The following NXPE2 variants were observed in gnomAD, a reference collection of about 807,000 sequenced individuals.
The protein encoded by NXPE2 is NXPE family member 2.
A neutral mutation model predicts 34.4 loss-of-function variants in NXPE2; 34 were observed. The ratio of observed to expected loss-of-function variants is 0.99; its 90% CI spans 0.75 to 1.31. The LOEUF (loss-of-function observed/expected upper bound fraction) is 1.31. Ranked by LOEUF, NXPE2 falls within the 40% of genes most tolerant of loss-of-function variation. NXPE2 has a pLI of 0.00. For missense variants in NXPE2, 649 were observed against 672.5 expected, an observed-to-expected ratio of 0.97 and a Z score of 0.39; for synonymous variants, 235 against 231.3, an observed-to-expected ratio of 1.02 and a Z score of -0.15.
the NXPE2 span, among the ~76,000 whole-genome samples, chr11:114,741,600 C>T: frequency 1.3e-5 from 2 of 151,890 alleles, no homozygotes; most frequent in Admixed American, 1.3e-4. Flanking sequence ...ACCATTGACT[C>T]CCTCTATTGC....
chr11:114,568,201 T>TA, the NXPE2 span, among the ~76,000 whole-genome samples: 3 of 152,050 alleles, frequency 2.0e-5, no homozygotes, highest in Admixed American at 6.6e-5. Context: ...TTTCTTTTCT[T>TA]AAAAAAAATC....
chr11:114,583,482 G>C, the NXPE2 span: 1 of 647,258 alleles, frequency 1.5e-6, no homozygotes, highest in South Asian at 1.4e-5. Context: ...AAATTCTTGT[G>C]CTCCATCTAT....
chr11:114,530,005 A>G, the NXPE2 span: 1 of 623,200 alleles, frequency 1.6e-6, no homozygotes. Flanking sequence ...TATAGTGAAA[A>G]TGCAAACTTT....
chr11:114,795,908 G>T, the NXPE2 span, among the ~76,000 whole-genome samples: 10 of 152,230 alleles, frequency 6.6e-5, no homozygotes, highest in African/African-American at 2.2e-4. Context: ...AGAGGAGGAA[G>T]TTGCTTATAT....
the NXPE2 span, chr11:114,523,109 C>T: frequency 2.1e-5 from 33 of 1,580,158 alleles, no homozygotes; most frequent in Non-Finnish European, 2.7e-5. Context: ...CAAAGACACT[C>T]GTAAATGATT....
the NXPE2 span, among the ~76,000 whole-genome samples, chr11:114,499,188 C>G: frequency 6.6e-6 from 1 of 152,100 alleles, no homozygotes; most frequent in African/African-American, 2.4e-5. Flanking sequence ...AAATTTCTTA[C>G]ACCATTATAA....
At chr11:114,605,185 A>T in the NXPE2 span, among the ~76,000 whole-genome samples, 1 of 151,512 alleles carries the variant, frequency 6.6e-6, no homozygotes, top group Non-Finnish European at 1.5e-5. Flanking sequence ...GTGAGAAACC[A>T]CTCTTACCCA....
At chr11:114,602,389 T>C in the NXPE2 span, among the ~76,000 whole-genome samples, 7 of 128,810 alleles carry the variant, frequency 5.4e-5, no homozygotes, top group African/African-American at 2.0e-4. Context: ...TATTATGCTA[T>C]ATATTATATA....
the NXPE2 span, among the ~76,000 whole-genome samples, chr11:114,477,099 T>C: frequency 5.3e-5 from 8 of 152,306 alleles, no homozygotes; most frequent in African/African-American, 1.9e-4. Flanking sequence ...TATTGTGGCA[T>C]ATTTATACAA....
the NXPE2 span, among the ~76,000 whole-genome samples, chr11:114,612,099 G>A: frequency 3.3e-5 from 5 of 151,802 alleles, no homozygotes; most frequent in South Asian, 2.1e-4. Flanking sequence ...GTTGAGTCAC[G>A]GGTAACCACT....
chr11:114,643,278 A>G, the NXPE2 span, among the ~76,000 whole-genome samples: 2 of 152,010 alleles, frequency 1.3e-5, no homozygotes, highest in East Asian at 1.9e-4. Context: ...CCATTTGTCA[A>G]TTTTGACTTT....
the NXPE2 span, among the ~76,000 whole-genome samples, chr11:114,601,997 A>T: frequency 1.2e-5 from 1 of 84,166 alleles, no homozygotes; most frequent in Admixed American, 2.3e-4. Context: ...TATATAATGT[A>T]TCTAATGTAT....
the NXPE2 span, among the ~76,000 whole-genome samples, chr11:114,500,209 CATAT>C: frequency 6.6e-6 from 1 of 151,848 alleles, no homozygotes; most frequent in African/African-American, 2.4e-5. Flanking sequence ...GTCTTTGTAC[CATAT>C]ATATATTCCA....
At chr11:114,542,228 TA>T in the NXPE2 span, among the ~76,000 whole-genome samples, 2 of 152,130 alleles carry the variant, frequency 1.3e-5, no homozygotes, top group Non-Finnish European at 2.9e-5. Flanking sequence ...ATTTGTAGAG[TA>T]AAATGTTTAA....
chr11:114,586,597 G>T, the NXPE2 span, among the ~76,000 whole-genome samples: 4 of 152,106 alleles, frequency 2.6e-5, no homozygotes, highest in Non-Finnish European at 4.4e-5. Flanking sequence ...TTTCTAATTG[G>T]TTTCCTTTTA....
At chr11:114,597,427 T>C in the NXPE2 span, among the ~76,000 whole-genome samples, 53 of 152,126 alleles carry the variant, frequency 3.5e-4, no homozygotes, top group South Asian at 6.2e-4. Flanking sequence ...AACAAGAAAA[T>C]GTAATGGGTA....
At chr11:114,778,585 G>A in the NXPE2 span, among the ~76,000 whole-genome samples, 3 of 152,156 alleles carry the variant, frequency 2.0e-5, no homozygotes, top group Non-Finnish European at 4.4e-5. Context: ...GAGATAATTT[G>A]GAGGTAGGAG....
At chr11:114,564,774 A>G in the NXPE2 span, among the ~76,000 whole-genome samples, 6 of 152,158 alleles carry the variant, frequency 3.9e-5, no homozygotes, top group Non-Finnish European at 8.8e-5. Flanking sequence ...TATGTTTCAT[A>G]TGATCTTTAG....
chr11:114,717,324 T>A, the NXPE2 span, among the ~76,000 whole-genome samples: 1 of 152,144 alleles, frequency 6.6e-6, no homozygotes, highest in East Asian at 1.9e-4. Context: ...CATCTGCCAG[T>A]TTTTGTTGTG....
Sources: gnomAD v4.1 joint callset for allele counts (sites outside exome capture counted in the v4.1 genomes callset) on GRCh38, gnomAD v4.1.1 for gene constraint, MANE v1.5 for transcripts, NCBI Gene and HGNC (gene_info 2026-07-23, HGNC 2026-07-21) for gene names.